Variants in CEP85L observed in about 807,000 individuals in gnomAD.
CEP85L encodes the protein centrosomal protein 85L, also known as centrosomal protein of 85 kDa-like.
CEP85L carries 60 observed loss-of-function variants against 100.3 expected under a neutral mutation model. The observed-to-expected ratio is 0.60, with a 90% confidence interval of 0.49 to 0.74. The LOEUF is 0.74. CEP85L is among the 30% of genes least tolerant of loss of function. The probability of loss-of-function intolerance (pLI) is 0.00; values close to 1 mark genes in which losing one functional copy is unlikely to be tolerated. For missense variants in CEP85L, 973 were observed against 936.2 expected, an observed-to-expected ratio of 1.04 and a Z score of -0.51; for synonymous variants, 319 against 322.7, an observed-to-expected ratio of 0.99 and a Z score of 0.12.
intron 3 of CEP85L, among the ~76,000 whole-genome samples, chr6:118,529,833 G>T (rs141569405): frequency 6.6e-6 from 1 of 152,008 alleles, no homozygotes; most frequent in South Asian, 2.1e-4. Flanking sequence ...AAAGCCAAGC[G>T]CAATTGCCTT....
intron 3 of CEP85L, among the ~76,000 whole-genome samples, chr6:118,524,443 A>G (rs1776850439): frequency 8.1e-6 from 1 of 122,812 alleles, no homozygotes; most frequent in African/African-American, 2.6e-5. Context: ...GACTCTGTCT[A>G]AACAAACAAA....
chr6:118,663,873 T>A (rs80244748), intron 1 of CEP85L, among the ~76,000 whole-genome samples: 3,948 of 152,108 alleles, frequency 0.026, 174 homozygotes, highest in African/African-American at 0.086. Flanking sequence ...ATAGCTGTTA[T>A]GTTGTTTTTT....
chr6:118,538,206 A>G (rs1777710670), intron 3 of CEP85L, among the ~76,000 whole-genome samples: 1 of 152,034 alleles, frequency 6.6e-6, no homozygotes, highest in African/African-American at 2.4e-5. Context: ...TGAAGTCTGC[A>G]TCTTGACCCT....
At chr6:118,659,002 C>T (rs755265792) in intron 1 of CEP85L, among the ~76,000 whole-genome samples, 22 of 152,208 alleles carry the variant, frequency 1.4e-4, no homozygotes, top group Non-Finnish European at 2.6e-4. Context: ...CTACCTAAAA[C>T]TGAACTCAGA....
intron 3 of CEP85L, among the ~76,000 whole-genome samples, chr6:118,556,948 C>T (rs958286646): frequency 2.0e-5 from 3 of 151,698 alleles, no homozygotes; most frequent in Non-Finnish European, 4.4e-5. Flanking sequence ...AAGTATAGGC[C>T]CCACAGGCAG....
At chr6:118,475,909 T>C (rs941527780) in intron 10 of CEP85L, among the ~76,000 whole-genome samples, 1 of 152,142 alleles carries the variant, frequency 6.6e-6, no homozygotes, top group South Asian at 2.1e-4. Flanking sequence ...CCAGACTATA[T>C]GGCAAAGTTA....
rs114121060 is a variant in CEP85L, at chr6:118,558,772, T to A, written c.1020+6757A>T. Reference sequence around the variant, plus strand: ...TAGTGTAAAATTGTATTTTTTGTTCTGAGGATAGGTTACATAGATGATTCT... The same window carrying A: ...TAGTGTAAAATTGTATTTTTTGTTCAGAGGATAGGTTACATAGATGATTCT... On this transcript the variant is annotated intron_variant, in intron 3 of 12. Transcript: ENST00000368491. 1,778 of 682,222 alleles carry A rather than the reference T, an allele frequency of 2.6e-3. 21 individuals carry two copies. In the African/African-American group the frequency reaches 0.029, roughly 11 times the overall value. 42.3% of individuals were successfully genotyped at this position (682,222 alleles called of 1,614,324 possible).
chr6:118,539,807 T>C lies in CEP85L; in HGVS notation c.1021-15887A>G, dbSNP rs558429110. 2.0e-5 allele frequency among the ~76,000 whole-genome samples: 3 copies of C among 152,262 alleles called. No individual in the cohort carries two copies. In the East Asian group the frequency reaches 5.8e-4, roughly 29 times the overall value. ...ATCTTGAGGGGAGAGGGAGCATGCT[T>C]TTACTTTCTATCAATTGGGATTTAT... On this transcript the variant is annotated intron_variant, in intron 3 of 12. Coordinates refer to ENST00000368491, the MANE Select transcript of CEP85L (RefSeq NM_001042475.3).
At chr6:118,680,424 C>T (rs1776620948) in intron 1 of CEP85L, among the ~76,000 whole-genome samples, 2 of 147,484 alleles carry the variant, frequency 1.4e-5, no homozygotes, top group African/African-American at 5.0e-5. Context: ...AAAATTCCAA[C>T]CAGTGAACAA....
intron 2 of CEP85L, among the ~76,000 whole-genome samples, chr6:118,567,818 C>A (rs1779643617): frequency 6.6e-6 from 1 of 152,086 alleles, no homozygotes; most frequent in Non-Finnish European, 1.5e-5. Flanking sequence ...GGTCTTTGCA[C>A]AGAATGTGTT....
chr6:118,524,393 G>A (rs1267149607), intron 3 of CEP85L, among the ~76,000 whole-genome samples: 7 of 152,274 alleles, frequency 4.6e-5, no homozygotes, highest in South Asian at 4.1e-4. Flanking sequence ...GCAGTGAGCC[G>A]AGATCACGCC....
intron 1 of CEP85L, among the ~76,000 whole-genome samples, chr6:118,679,409 T>TA (rs566478437): frequency 2.3e-4 from 35 of 152,316 alleles, no homozygotes; most frequent in South Asian, 1.4e-3. Flanking sequence ...GGAAAGGAGT[T>TA]ATATGGGAGA....
At chr6:118,488,507 A>G (rs1253652618) in intron 6 of CEP85L, among the ~76,000 whole-genome samples, 2 of 152,100 alleles carry the variant, frequency 1.3e-5, no homozygotes, top group African/African-American at 2.4e-5. Flanking sequence ...AGAACAAGGA[A>G]TAAAAAAGTA....
At position 118,525,008 on chromosome 6, in the gene CEP85L, T is replaced by C. The variant is rs570477687; in HGVS notation, c.1021-1088A>G. Among the ~76,000 whole-genome samples, 22 of 152,326 alleles carry C rather than the reference T, an allele frequency of 1.4e-4. No individual in the cohort carries two copies. In the South Asian group the frequency reaches 4.4e-3, roughly 30 times the overall value. ...GGGCTCTATCTTGCTTTGATGATTG[T>C]TTGTTTGTCTGTTTCTTTTTTCCTT... On this transcript the variant is annotated intron_variant, in intron 3 of 12. Coordinates refer to ENST00000368491, the MANE Select transcript of CEP85L (RefSeq NM_001042475.3).
intron 3 of CEP85L, among the ~76,000 whole-genome samples, chr6:118,546,580 T>C (rs1778216433): frequency 1.3e-5 from 2 of 152,164 alleles, no homozygotes; most frequent in Non-Finnish European, 2.9e-5. Context: ...TACTATATGC[T>C]ACTCTAATGA....
chr6:118,626,358 A>AT (rs1289811552), intron 2 of CEP85L, among the ~76,000 whole-genome samples: 1 of 152,172 alleles, frequency 6.6e-6, no homozygotes. Context: ...TAAAGAAAAG[A>AT]TTAACTGCCC....
At chr6:118,662,676 T>C (rs182507999) in intron 1 of CEP85L, among the ~76,000 whole-genome samples, 20 of 152,284 alleles carry the variant, frequency 1.3e-4, no homozygotes, top group Admixed American at 1.3e-3. Flanking sequence ...GACTCTAGAA[T>C]CTGAGCACTT....
intron 5 of CEP85L, among the ~76,000 whole-genome samples, chr6:118,507,145 TA>T (rs1490962249): frequency 7.9e-5 from 12 of 152,170 alleles, no homozygotes; most frequent in Non-Finnish European, 1.5e-4. Context: ...TTACAATGTG[TA>T]AGTTTAACTC....
intron 1 of CEP85L, among the ~76,000 whole-genome samples, chr6:118,640,783 C>T (rs763049360): frequency 3.9e-5 from 6 of 152,176 alleles, no homozygotes; most frequent in Admixed American, 6.5e-5. Context: ...GCCTGCTCAG[C>T]CTCCCAAAGT....
Sources: gnomAD v4.1 joint callset for allele counts (sites outside exome capture counted in the v4.1 genomes callset) on GRCh38, gnomAD v4.1.1 for gene constraint, MANE v1.5 for transcripts, NCBI Gene and HGNC (gene_info 2026-07-23, HGNC 2026-07-21) for gene names.